Variants in SOX5 observed in about 807,000 individuals in gnomAD.
SOX5 encodes the protein SRY-box transcription factor 5.
SOX5 carries 9 observed loss-of-function variants against 92.0 expected under a neutral mutation model. That is an observed-to-expected ratio of 0.10 (90% CI 0.06 to 0.17). The LOEUF (loss-of-function observed/expected upper bound fraction) is 0.17. SOX5 is among the 10% of genes least tolerant of loss of function. SOX5 has a pLI of 1.00. For synonymous variants in SOX5, 344 were observed against 336.3 expected (o/e 1.02, Z -0.25); for missense variants, 642 against 944.5 (o/e 0.68, Z 4.20).
intron 2 of SOX5, among the ~76,000 whole-genome samples, chr12:24,364,474 T>C (rs546732302): frequency 6.8e-6 from 1 of 146,624 alleles, no homozygotes; most frequent in South Asian, 2.1e-4. Flanking sequence ...TATCCATTGA[T>C]TTGTGTCAGC....
In SOX5 at chr12:24,496,313, T is replaced by G. The variant is rs191177336; in HGVS notation, c.-251+66016A>C. Among the ~76,000 whole-genome samples, 12 of 152,332 alleles carry G rather than the reference T, an allele frequency of 7.9e-5. No individual in the cohort carries two copies. The East Asian group carries it at 2.1e-3, about 27-fold the overall frequency. On this transcript the variant is annotated intron_variant, in intron 1 of 4. Transcript: ENST00000446891. ...GCTACAAATCCCTGGAGACATAGTT[T>G]GCCTCTGTTCTTTTTGGCTTTCACT...
chr12:23,721,092 T>C (rs1461747417), intron 6 of SOX5, among the ~76,000 whole-genome samples: 1 of 151,938 alleles, frequency 6.6e-6, no homozygotes, highest in Non-Finnish European at 1.5e-5. Context: ...TTTATTTATT[T>C]ATTTATTTTT....
intron 4 of SOX5, among the ~76,000 whole-genome samples, chr12:24,107,850 T>C (rs1946861306): frequency 6.6e-6 from 1 of 152,212 alleles, no homozygotes; most frequent in Non-Finnish European, 1.5e-5. Context: ...CCACTACTCA[T>C]CACTATGGTA....
intron 1 of SOX5, among the ~76,000 whole-genome samples, chr12:23,903,693 C>G (rs1439838827): frequency 2.0e-5 from 3 of 152,188 alleles, no homozygotes; most frequent in Non-Finnish European, 4.4e-5. Flanking sequence ...GAGAATAATA[C>G]TTTCCTGGAA....
At chr12:24,440,970 C>G (rs1030997036) in intron 1 of SOX5, among the ~76,000 whole-genome samples, 1 of 152,146 alleles carries the variant, frequency 6.6e-6, no homozygotes, top group Non-Finnish European at 1.5e-5. Context: ...GGGTCACATC[C>G]CACAGTCAGG....
intron 6 of SOX5, among the ~76,000 whole-genome samples, chr12:23,723,478 A>G (rs2140627492): frequency 6.6e-6 from 1 of 152,026 alleles, no homozygotes; most frequent in South Asian, 2.1e-4. Context: ...GGATGTAGGT[A>G]TTCGCCAAGC....
chr12:23,823,094 T>A (rs1462653121), intron 3 of SOX5, among the ~76,000 whole-genome samples: 2 of 152,206 alleles, frequency 1.3e-5, no homozygotes, highest in Non-Finnish European at 2.9e-5. Context: ...GCCTTTTAAT[T>A]GGGCCATTTA....
At chr12:24,376,689 C>CTTTTTTTTTTTTTT (rs1480014070) in intron 1 of SOX5, among the ~76,000 whole-genome samples, 2 of 93,084 alleles carry the variant, frequency 2.1e-5, no homozygotes, top group African/African-American at 4.1e-5. Flanking sequence ...GGGAGAGATA[C>CTTTTTTTTTTTTTT]CTTTTTTTTT....
chr12:23,654,052 CATATT>C (rs1276639306), intron 7 of SOX5, among the ~76,000 whole-genome samples: 24 of 152,076 alleles, frequency 1.6e-4, no homozygotes, highest in African/African-American at 4.8e-4. Flanking sequence ...GTAGAAAAAC[CATATT>C]ATAAGACAAT....
intron 2 of SOX5, among the ~76,000 whole-genome samples, chr12:24,327,687 T>C (rs775011): frequency 0.87 from 132,228 of 151,882 alleles, 57,933 homozygotes; most frequent in East Asian, 0.98. Context: ...GGGTTCACGC[T>C]ATTCTCCTGC....
At chr12:23,717,909 A>G (rs1041996203) in intron 6 of SOX5, among the ~76,000 whole-genome samples, 1 of 152,186 alleles carries the variant, frequency 6.6e-6, no homozygotes, top group Non-Finnish European at 1.5e-5. Context: ...CAAACTTTTC[A>G]TGTATTTTCT....
At chr12:24,291,866 T>G (rs1033155190) in intron 2 of SOX5, among the ~76,000 whole-genome samples, 3 of 152,210 alleles carry the variant, frequency 2.0e-5, no homozygotes, top group Non-Finnish European at 4.4e-5. Context: ...TATTGAGTGT[T>G]GCCTATATAA....
At chr12:24,150,521 C>T (rs1050887772) in intron 4 of SOX5, among the ~76,000 whole-genome samples, 3 of 151,972 alleles carry the variant, frequency 2.0e-5, no homozygotes, top group Non-Finnish European at 4.4e-5. Flanking sequence ...GCAGTCAAAG[C>T]CATTGACCTG....
chr12:23,553,448 C>T (rs1293907781), intron 11 of SOX5, among the ~76,000 whole-genome samples: 1 of 151,984 alleles, frequency 6.6e-6, no homozygotes. Flanking sequence ...TCACCAAGAA[C>T]TTTACACAGG....
intron 1 of SOX5, among the ~76,000 whole-genome samples, chr12:24,439,827 G>A (rs764634822): frequency 5.3e-5 from 8 of 151,980 alleles, no homozygotes; most frequent in African/African-American, 9.7e-5. Context: ...CCCAGGAGGC[G>A]GAGCTTGCAG....
chr12:24,530,640 G>A (rs1263183331), intron 1 of SOX5, among the ~76,000 whole-genome samples: 1 of 148,960 alleles, frequency 6.7e-6, no homozygotes, highest in Non-Finnish European at 1.5e-5. Context: ...GCAACAGAGT[G>A]AGACTCTGAA....
chr12:23,619,093 TGA>T (rs2076892281), intron 8 of SOX5, among the ~76,000 whole-genome samples: 1 of 152,170 alleles, frequency 6.6e-6, no homozygotes, highest in Non-Finnish European at 1.5e-5. Context: ...ACAACACATA[TGA>T]GAGGTTTTAA....
At chr12:24,493,334 T>C (rs1478874509) in intron 1 of SOX5, among the ~76,000 whole-genome samples, 1 of 152,160 alleles carries the variant, frequency 6.6e-6, no homozygotes, top group African/African-American at 2.4e-5. Flanking sequence ...TGATATTAAA[T>C]GTAATGTGGT....
intron 1 of SOX5, among the ~76,000 whole-genome samples, chr12:24,506,366 C>T (rs1377761342): frequency 7.0e-6 from 1 of 142,056 alleles, no homozygotes; most frequent in Non-Finnish European, 1.5e-5. Context: ...TTGAAACATT[C>T]GAAAATGAAC....
Sources: gnomAD v4.1 joint callset for allele counts (sites outside exome capture counted in the v4.1 genomes callset) on GRCh38, gnomAD v4.1.1 for gene constraint, MANE v1.5 for transcripts, NCBI Gene and HGNC (gene_info 2026-07-23, HGNC 2026-07-21) for gene names.